The following CCDC144A variants were observed in gnomAD, a reference collection of about 807,000 sequenced individuals.
CCDC144A encodes coiled-coil domain-containing protein 144A.
Under a neutral mutation model 143.8 loss-of-function variants are expected in CCDC144A, and 41 were observed. The observed-to-expected ratio is 0.29, with a 90% CI of 0.22 to 0.37. The LOEUF (loss-of-function observed/expected upper bound fraction) is 0.37, where lower values mean the gene tolerates loss of function less well. Among genes scored for constraint, CCDC144A ranks in the 10% least tolerant of loss-of-function variants. The pLI is 1.00. For synonymous variants in CCDC144A, 242 were observed against 517.9 expected (o/e 0.47, Z 7.23); for missense variants, 637 against 1,488.8 (o/e 0.43, Z 9.41).
the CCDC144A span, among the ~76,000 whole-genome samples, chr17:16,668,950 C>G: frequency 6.6e-6 from 1 of 152,170 alleles, no homozygotes; most frequent in Non-Finnish European, 1.5e-5. Flanking sequence ...CCATCACACT[C>G]AGAGTTAGAT....
chr17:16,753,435 T>TTGTTGTTGTTG (rs1470543349), intron 12 of CCDC144A, among the ~76,000 whole-genome samples: 13 of 100,396 alleles, frequency 1.3e-4, no homozygotes, highest in Middle Eastern at 5.3e-3. Flanking sequence ...GTAGTTTTTT[T>TTGTTGTTGTTG]TTTTTTTTTT....
At chr17:16,673,813 C>T in the CCDC144A span, among the ~76,000 whole-genome samples, 1 of 152,064 alleles carries the variant, frequency 6.6e-6, no homozygotes, top group African/African-American at 2.4e-5. Context: ...GAATAAATGC[C>T]ATGACCACCA....
At chr17:16,672,755 GTCTAAT>G in the CCDC144A span, among the ~76,000 whole-genome samples, 2 of 152,072 alleles carry the variant, frequency 1.3e-5, no homozygotes, top group African/African-American at 4.8e-5. Context: ...TATTTTTCTA[GTCTAAT>G]TCTAAGAATT....
At chr17:16,746,336 T>C (rs2143295897) in intron 12 of CCDC144A, 2 of 1,164,528 alleles carry the variant, frequency 1.7e-6, no homozygotes, top group East Asian at 2.5e-5. Flanking sequence ...ACGTTTATTT[T>C]CTAACTCTCT....
the CCDC144A span, among the ~76,000 whole-genome samples, chr17:16,671,653 G>A: frequency 6.6e-6 from 1 of 151,900 alleles, no homozygotes; most frequent in Non-Finnish European, 1.5e-5. Flanking sequence ...GAGACATATT[G>A]GTCCCTACTC....
At chr17:16,720,797 C>G (rs1913050005) in intron 8 of CCDC144A, 139 bp downstream of exon 8, 6 of 1,413,716 alleles carry the variant, frequency 4.2e-6, no homozygotes, top group Non-Finnish European at 5.6e-6. Context: ...AACTTATACT[C>G]TACGCCAAAG....
chr17:16,669,038 A>C, the CCDC144A span, among the ~76,000 whole-genome samples: 1 of 152,174 alleles, frequency 6.6e-6, no homozygotes, highest in Non-Finnish European at 1.5e-5. Flanking sequence ...CCGTTTCCAT[A>C]GTTGTTTAAC....
At chr17:16,678,387 T>C in the CCDC144A span, among the ~76,000 whole-genome samples, 1 of 152,000 alleles carries the variant, frequency 6.6e-6, no homozygotes, top group Non-Finnish European at 1.5e-5. Flanking sequence ...CTTAAAACAA[T>C]AGCCAAGGCA....
intron 12 of CCDC144A, chr17:16,746,887 C>G: frequency 3.4e-6 from 2 of 585,410 alleles, no homozygotes; most frequent in Non-Finnish European, 5.8e-6. Context: ...CCTTCTCTCC[C>G]TCCCCTCCCT....
At chr17:16,762,893 A>G (rs945879658) in intron 14 of CCDC144A, among the ~76,000 whole-genome samples, 1 of 144,536 alleles carries the variant, frequency 6.9e-6, no homozygotes, top group Non-Finnish European at 1.5e-5. Flanking sequence ...TACCATTATA[A>G]AAATTGCTTG....
chr17:16,750,702 C>T lies in CCDC144A; in HGVS notation c.3373-10723C>T, dbSNP rs1039699507. ...AATGAGTCATAGATTAGTGTCTTTACAAAATCCCACATTCCTCAGATGTTT... is the reference window on the plus strand; with the variant it reads ...AATGAGTCATAGATTAGTGTCTTTATAAAATCCCACATTCCTCAGATGTTT... On this transcript the variant is annotated intron_variant, in intron 12 of 16. Coordinates refer to ENST00000399273, the MANE Select transcript of CCDC144A (RefSeq NM_001382000.1). 7.9e-5 allele frequency among the ~76,000 whole-genome samples: 12 copies of T among 151,952 alleles called. No individual in the cohort carries two copies. In the East Asian group the frequency reaches 9.7e-4, roughly 12 times the overall value.
chr17:16,673,134 AT>A, the CCDC144A span, among the ~76,000 whole-genome samples: 1 of 151,966 alleles, frequency 6.6e-6, no homozygotes, highest in Non-Finnish European at 1.5e-5. Flanking sequence ...GGTTGGTAGC[AT>A]TTTCTTTTTT....
intron 9 of CCDC144A, among the ~76,000 whole-genome samples, chr17:16,729,193 T>A (rs1452019451): frequency 6.6e-6 from 1 of 152,234 alleles, no homozygotes; most frequent in East Asian, 1.9e-4. Context: ...TGTACTAATT[T>A]ACATTTCCAC....
At chr17:16,686,747 A>AACACACACACACACACAC (rs142329474), upstream of CCDC144A, among the ~76,000 whole-genome samples, 2 of 140,394 alleles carry the variant, frequency 1.4e-5, no homozygotes, top group Admixed American at 7.1e-5. Context: ...CACACACACA[A>AACACACACACACACACAC]ACACACACAC....
At chr17:16,722,012 G>T (rs913781794) in intron 8 of CCDC144A, among the ~76,000 whole-genome samples, 5 of 152,092 alleles carry the variant, frequency 3.3e-5, no homozygotes, top group African/African-American at 1.2e-4. Flanking sequence ...TTCCTGTATT[G>T]TTCCCGATCT....
chr17:16,680,627 GGAAGGAA>G, the CCDC144A span, among the ~76,000 whole-genome samples: 1 of 141,576 alleles, frequency 7.1e-6, no homozygotes, highest in South Asian at 2.4e-4. Context: ...AATGAGGGAA[GGAAGGAA>G]GAAAGGGAGG....
intron 13 of CCDC144A, among the ~76,000 whole-genome samples, chr17:16,762,028 T>G (rs1915398778): frequency 6.6e-6 from 1 of 152,390 alleles, no homozygotes; most frequent in East Asian, 1.9e-4. Context: ...ACTCTTGAAC[T>G]GCTTTTAAGT....
At chr17:16,734,135 T>C (rs1399055748) in intron 11 of CCDC144A, among the ~76,000 whole-genome samples, 13 of 129,402 alleles carry the variant, frequency 1.0e-4, no homozygotes, top group Non-Finnish European at 1.9e-4. Context: ...GTGGAGACCC[T>C]ATCTCGAAAA....
chr17:16,773,401 T>A, intron 16 of CCDC144A, 96 bp from the exon 17 acceptor site: 7 of 1,456,462 alleles, frequency 4.8e-6, no homozygotes, highest in Non-Finnish European at 5.5e-6. Flanking sequence ...TGACCTGTGA[T>A]CACACCATGG....
Sources: gnomAD v4.1 joint callset for allele counts (sites outside exome capture counted in the v4.1 genomes callset) on GRCh38, gnomAD v4.1.1 for gene constraint, MANE v1.5 for transcripts, NCBI Gene and HGNC (gene_info 2026-07-23, HGNC 2026-07-21) for gene names.